Variants in CADM2 observed in about 807,000 individuals in gnomAD.
The protein encoded by CADM2 is cell adhesion molecule 2.
CADM2 carries 12 observed loss-of-function variants against 49.8 expected under a neutral mutation model. The ratio of observed to expected loss-of-function variants is 0.24; its 90% CI spans 0.15 to 0.39. The LOEUF is 0.39. Among genes scored for constraint, CADM2 ranks in the 10% least tolerant of loss-of-function variants. The probability of loss-of-function intolerance (pLI) is 1.00; values close to 1 mark genes in which losing one functional copy is unlikely to be tolerated. For synonymous variants in CADM2, 214 were observed against 175.4 expected (o/e 1.22, Z -1.74); for missense variants, 378 against 492.3 (o/e 0.77, Z 2.20).
intron 1 of CADM2, among the ~76,000 whole-genome samples, chr3:85,212,897 T>TCTCTCTCTCTCTCTCTC (rs2041834022): frequency 1.2e-4 from 18 of 145,110 alleles, no homozygotes; most frequent in South Asian, 6.5e-4. Flanking sequence ...TCTTTCTTTC[T>TCTCTCTCTCTCTCTCTC]TTTAATGGAG....
intron 1 of CADM2, among the ~76,000 whole-genome samples, chr3:85,056,543 A>T (rs1485083977): frequency 1.3e-5 from 2 of 152,112 alleles, no homozygotes; most frequent in African/African-American, 2.4e-5. Context: ...GGCCTTAAAG[A>T]TAAGACTTTT....
At chr3:85,022,544 C>T (rs2034552919) in intron 1 of CADM2, among the ~76,000 whole-genome samples, 1 of 152,168 alleles carries the variant, frequency 6.6e-6, no homozygotes, top group African/African-American at 2.4e-5. Context: ...CTTACTAGCT[C>T]CATGGCCTAA....
chr3:85,478,486 G>T (rs2039073970), intron 1 of CADM2, among the ~76,000 whole-genome samples: 1 of 151,810 alleles, frequency 6.6e-6, no homozygotes, highest in African/African-American at 2.4e-5. Flanking sequence ...AAGATGTTTT[G>T]TTGGATCACG....
At chr3:85,230,096 A>G (rs184290195) in intron 1 of CADM2, among the ~76,000 whole-genome samples, 191 of 152,266 alleles carry the variant, frequency 1.3e-3, no homozygotes, top group Non-Finnish European at 2.3e-3. Flanking sequence ...AACAGCAAAG[A>G]TTCTCCCCTC....
At chr3:85,363,468 CT>C (rs766864740) in intron 1 of CADM2, among the ~76,000 whole-genome samples, 2 of 151,578 alleles carry the variant, frequency 1.3e-5, no homozygotes, top group Non-Finnish European at 2.9e-5. Context: ...CCAAGTAATC[CT>C]TTCTGTAGCC....
chr3:85,641,773 A>C lies in CADM2; in HGVS notation c.62-84749A>C, dbSNP rs865996107. On this transcript the variant is annotated intron_variant, in intron 1 of 9. Coordinates refer to ENST00000383699, the MANE Select transcript of CADM2 (RefSeq NM_001167675.2). ...AACCCCGTCTTTACTAAAAATACAA[A>C]AAAAAAAAATAGCCAGGTGTGGTGG... Among the ~76,000 whole-genome samples the C allele has an allele frequency of 8.0e-3, 1,209 of 150,904 alleles. 18 individuals are homozygous for C. The highest frequency in any genetic ancestry group is 0.024 in the Middle Eastern group (7 of 286).
intron 1 of CADM2, among the ~76,000 whole-genome samples, chr3:85,111,169 G>T (rs2038443732): frequency 6.6e-6 from 1 of 151,676 alleles, no homozygotes. Flanking sequence ...AATCATATAG[G>T]TATGAAAAAA....
intron 1 of CADM2, among the ~76,000 whole-genome samples, chr3:85,336,995 AT>A (rs2045104020): frequency 9.6e-6 from 1 of 104,360 alleles, no homozygotes; most frequent in Non-Finnish European, 2.2e-5. Context: ...TATATATTTA[AT>A]ATATATTAAA....
intron 1 of CADM2, among the ~76,000 whole-genome samples, chr3:85,430,381 G>T (rs1346853823): frequency 6.6e-6 from 1 of 152,036 alleles, no homozygotes; most frequent in Non-Finnish European, 1.5e-5. Flanking sequence ...TGGGCACAAG[G>T]GCTCAGGATG....
At chr3:85,194,273 CAAGAGAAGGAATAG>C (rs1293842450) in intron 1 of CADM2, among the ~76,000 whole-genome samples, 1 of 151,952 alleles carries the variant, frequency 6.6e-6, no homozygotes, top group Admixed American at 6.6e-5. Context: ...AGACAAGGCT[CAAGAGAAGGAATAG>C]AAACCGTAGA....
chr3:84,984,060 C>T (rs1244725086), intron 1 of CADM2, among the ~76,000 whole-genome samples: 40 of 151,554 alleles, frequency 2.6e-4, no homozygotes, highest in Admixed American at 1.3e-3. Flanking sequence ...CACACACACA[C>T]ACACACACAC....
chr3:85,256,815 TACAA>T (rs2042896053), intron 1 of CADM2, among the ~76,000 whole-genome samples: 1 of 152,276 alleles, frequency 6.6e-6, no homozygotes, highest in East Asian at 1.9e-4. Context: ...TACCACAATG[TACAA>T]ACAGTTATAT....
At chr3:85,554,213 A>C (rs1273717486) in intron 1 of CADM2, among the ~76,000 whole-genome samples, 4 of 152,104 alleles carry the variant, frequency 2.6e-5, no homozygotes, top group Non-Finnish European at 4.4e-5. Flanking sequence ...TCTCGTAAGG[A>C]GTATGCAGCT....
At chr3:85,563,919 A>AT (rs1660397635) in intron 1 of CADM2, among the ~76,000 whole-genome samples, 1 of 152,148 alleles carries the variant, frequency 6.6e-6, no homozygotes, top group Admixed American at 6.6e-5. Flanking sequence ...GATCATAGCT[A>AT]TTTTATATTC....
intron 2 of CADM2, among the ~76,000 whole-genome samples, chr3:85,799,245 A>G (rs1321249321): frequency 6.6e-6 from 1 of 152,148 alleles, no homozygotes; most frequent in Non-Finnish European, 1.5e-5. Context: ...CTCTCTTCCT[A>G]TTTGAATACC....
intron 1 of CADM2, among the ~76,000 whole-genome samples, chr3:85,128,325 G>A (rs1316704268): frequency 6.6e-6 from 1 of 152,012 alleles, no homozygotes; most frequent in Non-Finnish European, 1.5e-5. Context: ...AATCAATATA[G>A]GAGAAAAGTT....
chr3:85,933,670 A>T (rs1037075639), intron 6 of CADM2, among the ~76,000 whole-genome samples: 1 of 152,136 alleles, frequency 6.6e-6, no homozygotes, highest in Non-Finnish European at 1.5e-5. Context: ...GACCAAGAGT[A>T]CCAATGGTTT....
At chr3:85,861,269 T>C (rs977099973) in intron 3 of CADM2, among the ~76,000 whole-genome samples, 1 of 152,198 alleles carries the variant, frequency 6.6e-6, no homozygotes, top group African/African-American at 2.4e-5. Context: ...TGCTTTTCAG[T>C]CTATTTCCAA....
intron 1 of CADM2, among the ~76,000 whole-genome samples, chr3:85,322,220 A>C (rs2044633494): frequency 6.6e-6 from 1 of 152,232 alleles, no homozygotes; most frequent in South Asian, 2.1e-4. Flanking sequence ...TGTTATAATA[A>C]GAAATCACTC....
Sources: gnomAD v4.1 joint callset for allele counts (sites outside exome capture counted in the v4.1 genomes callset) on GRCh38, gnomAD v4.1.1 for gene constraint, MANE v1.5 for transcripts, NCBI Gene and HGNC (gene_info 2026-07-23, HGNC 2026-07-21) for gene names.